The following QDPR variants were observed in gnomAD, a reference collection of about 807,000 sequenced individuals.
QDPR encodes dihydropteridine reductase.
Under a neutral mutation model 31.7 loss-of-function variants are expected in QDPR, and 23 were observed. The observed-to-expected ratio is 0.73, with a 90% CI of 0.52 to 1.03. The LOEUF (loss-of-function observed/expected upper bound fraction) is 1.03. Among genes scored for constraint, QDPR ranks in the 50% least tolerant of loss-of-function variants. QDPR has a pLI of 0.00. For missense variants in QDPR, 324 were observed against 323.8 expected, an observed-to-expected ratio of 1.00 and a Z score of 0.00; for synonymous variants, 124 against 124.7, an observed-to-expected ratio of 0.99 and a Z score of 0.03.
intron 4 of QDPR, among the ~76,000 whole-genome samples, chr4:17,496,774 G>GTTTA (rs146738105): frequency 6.6e-6 from 1 of 151,010 alleles, no homozygotes; most frequent in East Asian, 2.0e-4. Flanking sequence ...TTGTTTGTTT[G>GTTTA]GAGACAGAGT....
chr4:17,509,174 AAAAGGAAGAACATACAGCC>A (rs1332195323), intron 2 of QDPR, 78 bp downstream of exon 2: 47 of 1,013,708 alleles, frequency 4.6e-5, no homozygotes, highest in East Asian at 3.1e-4. Context: ...AAAAAGAAAT[AAAAGGAAGAACATACAGCC>A]AAAGGAAGAA....
Position 17,504,490 on chromosome 4 carries a change from C to CA in QDPR, c.199-16dup, listed in dbSNP as rs1277522602. 7 of 1,598,308 alleles carry CA rather than the reference C, an allele frequency of 4.4e-6. No individual in the cohort carries two copies. Among genetic ancestry groups the CA allele is most frequent in the Middle Eastern group, 3.3e-4 (2 of 6,034 alleles). ...TCAGCAGTCACCTTCAACACAAGAA[C>CA]AAAAAAATGTATAAACTGTAAGGTA... On this transcript the variant is annotated splice_polypyrimidine_tract_variant and intron_variant, in intron 2 of 6. Transcript: ENST00000281243.
chr4:17,489,689 A>G (rs1718089964), intron 6 of QDPR, among the ~76,000 whole-genome samples: 2 of 152,320 alleles, frequency 1.3e-5, no homozygotes, highest in South Asian at 2.1e-4. Flanking sequence ...GCATTAAATA[A>G]GAGTTATGAA....
intron 5 of QDPR, 56 bp from the exon 6 acceptor site, chr4:17,490,801 G>T: frequency 1.4e-6 from 2 of 1,438,444 alleles, no homozygotes; most frequent in Non-Finnish European, 1.9e-6. Context: ...AACAACAGGT[G>T]CCCAGTCCCC....
At position 17,490,457 on chromosome 4, in the gene QDPR, C is replaced by T; in HGVS notation, c.629+205G>A. The T allele has an allele frequency of 3.5e-6, 2 of 572,174 alleles. 1 individual carries two copies. The highest frequency in any genetic ancestry group is 3.6e-5 in the South Asian group (2 of 56,090). 35.4% of individuals were successfully genotyped at this position (572,174 alleles called of 1,614,324 possible). A position where few individuals can be genotyped will look rare whatever the true frequency, so the allele number is the denominator to read the frequency against. ...CGAGCCAGGATTCATGTCGGCACTA[C>T]CCATTCTGCCACTGTGCTGCCTGTC... On this transcript the variant is annotated intron_variant, in intron 6 of 6. Transcript: ENST00000281243.
chr4:17,487,824 C>G (rs2597769), intron 6 of QDPR, among the ~76,000 whole-genome samples: 130 of 152,172 alleles, frequency 8.5e-4, no homozygotes, highest in Middle Eastern at 3.4e-3. Context: ...TTAATAAAAG[C>G]CAGTAGGCAT....
At chr4:17,507,056 T>C (rs1216444725) in intron 2 of QDPR, among the ~76,000 whole-genome samples, 2 of 152,220 alleles carry the variant, frequency 1.3e-5, no homozygotes, top group Admixed American at 1.3e-4. Context: ...ATATCATACA[T>C]GCATCACTTC....
At chr4:17,509,954 T>C (rs1718946483) in intron 1 of QDPR, 6 of 456,082 alleles carry the variant, frequency 1.3e-5, no homozygotes, top group Non-Finnish European at 2.6e-5. Flanking sequence ...GCTGGCCATA[T>C]GGTATCTGTT....
chr4:17,501,614 T>TTAGA, intron 4 of QDPR, 105 bp downstream of exon 4: 1 of 1,352,144 alleles, frequency 7.4e-7, no homozygotes, highest in Non-Finnish European at 1.0e-6. Context: ...GTTAAGCAGC[T>TTAGA]TAGAGGGTAA....
chr4:17,499,339 A>G (rs1718477768), intron 4 of QDPR, among the ~76,000 whole-genome samples: 5 of 152,360 alleles, frequency 3.3e-5, no homozygotes, highest in Admixed American at 2.0e-4. Flanking sequence ...AAAGGAAAGT[A>G]GGAGACTCTT....
At chr4:17,509,989 AG>A (rs1718949061) in intron 1 of QDPR, 1 of 456,192 alleles carries the variant, frequency 2.2e-6, no homozygotes, top group East Asian at 6.9e-5. Flanking sequence ...CAATTGTAAC[AG>A]AACACAGCAA....
At position 17,501,712 on chromosome 4, in the gene QDPR, G is replaced by C; in HGVS notation, c.436+7C>G. The C allele has an allele frequency of 6.2e-7, 1 of 1,613,664 alleles. No homozygotes were observed. The highest frequency in any genetic ancestry group is 8.5e-7 in the Non-Finnish European group (1 of 1,179,954). On this transcript the variant is annotated splice_region_variant and intron_variant, in intron 4 of 6. Transcript: ENST00000281243. ...CCCACTCCACAGATAGGGAAATAAA[G>C]GCTTACCAGGAGTCCCATCCAGGGC...
chr4:17,493,170 T>G (rs1353393767), intron 4 of QDPR, among the ~76,000 whole-genome samples: 1 of 152,132 alleles, frequency 6.6e-6, no homozygotes, highest in Non-Finnish European at 1.5e-5. Context: ...CAGCTAGGTG[T>G]GGTGCCTCGT....
intron 1 of QDPR, among the ~76,000 whole-genome samples, chr4:17,510,330 G>A (rs751881313): frequency 4.6e-5 from 7 of 152,164 alleles, no homozygotes; most frequent in Non-Finnish European, 1.0e-4. Context: ...GAGGTTGTTT[G>A]TTGATGATTA....
chr4:17,507,447 G>A lies in QDPR; in HGVS notation c.198+1824C>T, dbSNP rs183956917. On this transcript the variant is annotated intron_variant, in intron 2 of 6. Coordinates refer to ENST00000281243, the MANE Select transcript of QDPR (RefSeq NM_000320.3). ...GCTACTCAGGAAGTCCCAGCTATTC[G>A]GGAGAATGAAGCAGAAGGATCCTTT... 1.6e-3 allele frequency among the ~76,000 whole-genome samples: 244 copies of A among 152,222 alleles called. 1 individual carries two copies. The highest frequency in any genetic ancestry group is 5.3e-3 in the African/African-American group (222 of 41,530).
intron 4 of QDPR, among the ~76,000 whole-genome samples, chr4:17,498,829 C>T (rs1718454425): frequency 6.6e-6 from 1 of 151,190 alleles, no homozygotes; most frequent in Non-Finnish European, 1.5e-5. Flanking sequence ...GATGTGCAAA[C>T]AAATCTTCTT....
At chr4:17,508,364 G>A (rs759905708) in intron 2 of QDPR, among the ~76,000 whole-genome samples, 109 of 152,284 alleles carry the variant, frequency 7.2e-4, no homozygotes, top group Middle Eastern at 6.8e-3. Context: ...GTTTGAATCC[G>A]GGAGGCAGAG....
At chr4:17,511,875 G>GC in intron 1 of QDPR, 75 bp downstream of exon 1, 1 of 1,492,682 alleles carries the variant, frequency 6.7e-7, no homozygotes, top group Non-Finnish European at 9.1e-7. Flanking sequence ...CCTCTAGACT[G>GC]CCCCCCGCCG....
At chr4:17,502,101 A>T (rs1718586110) in intron 3 of QDPR, among the ~76,000 whole-genome samples, 1 of 152,144 alleles carries the variant, frequency 6.6e-6, no homozygotes, top group Non-Finnish European at 1.5e-5. Flanking sequence ...TGGCCAATAA[A>T]TTTTACAAAA....
Sources: gnomAD v4.1 joint callset for allele counts (sites outside exome capture counted in the v4.1 genomes callset) on GRCh38, gnomAD v4.1.1 for gene constraint, MANE v1.5 for transcripts, NCBI Gene and HGNC (gene_info 2026-07-23, HGNC 2026-07-21) for gene names.